C11orf42: variants seen among roughly 807,000 people sequenced by gnomAD.
C11orf42 encodes the protein chromosome 11 open reading frame 42, also known as uncharacterized protein C11orf42.
C11orf42 carries 24 observed loss-of-function variants against 27.9 expected under a neutral mutation model. The observed-to-expected ratio is 0.86, with a 90% CI of 0.62 to 1.21. C11orf42 has a LOEUF of 1.21. C11orf42 is among the 50% of genes most tolerant of loss of function. The probability of loss-of-function intolerance (pLI) is 0.00; values close to 1 mark genes in which losing one functional copy is unlikely to be tolerated. For synonymous variants in C11orf42, 187 were observed against 180.8 expected, an observed-to-expected ratio of 1.03 and a Z score of -0.28; for missense variants, 455 against 424.1, an observed-to-expected ratio of 1.07 and a Z score of -0.64.
intron 1 of C11orf42, among the ~76,000 whole-genome samples, chr11:6,206,596 A>G (rs943358279): frequency 2.6e-4 from 40 of 152,160 alleles, no homozygotes; most frequent in African/African-American, 9.7e-4. Context: ...ACCACACTCA[A>G]AGAAGATTTA....
In C11orf42 at chr11:6,210,069, C is replaced by G; in HGVS notation, c.292C>G (p.Arg98Gly). ...GSEGAFAHCT[R>G]EYSPNGRAER... ...TGAGGGTGCCTTCGCCCACTGCACT[C>G]GGGAATACTCACCAAATGGCCGAGC... The change falls in exon 2 of 3, where the codon CGG (arginine) becomes GGG (glycine). Residue 98 changes from arginine to glycine, a missense_variant. Arg to Gly is a moderately radical substitution (Grantham distance 125). Transcript: ENST00000316375. This position sits in a 1 kb window ranked among gnomAD's most constrained non-coding sequence, Gnocchi z 4.0. The G allele has an allele frequency of 1.9e-6, 3 of 1,614,232 alleles. No homozygotes were observed. The highest frequency in any genetic ancestry group is 1.7e-6 in the Non-Finnish European group (2 of 1,180,050).
chr11:6,210,006 G>GT lies in C11orf42; in HGVS notation c.230dup (p.Pro79AlafsTer12), dbSNP rs1590595531. On this transcript the variant is annotated frameshift_variant, in exon 2 of 3. Coordinates refer to ENST00000316375, the MANE Select transcript of C11orf42 (RefSeq NM_173525.3). LOFTEE classifies it high-confidence loss of function. This position sits in a 1 kb window ranked among gnomAD's most constrained non-coding sequence, Gnocchi z 4.0. ...GCAGGGCCGGAGGGCACTGAAACCA[G>GT]TGGGGCCACTACCAAGCCTCCTGGA... 1 of 1,614,178 alleles carries GT rather than the reference G, an allele frequency of 6.2e-7. No homozygotes were observed. Among genetic ancestry groups the GT allele is most frequent in the Non-Finnish European group, 8.5e-7 (1 of 1,179,974 alleles).
At position 6,210,128 on chromosome 11, in the gene C11orf42, T is replaced by C. The variant is rs1471913225; in HGVS notation, c.351T>C (p.Asp117=). ...CCTATGAAGAGACGCGAATGTTGGATGGACAGCCCTGCAAGATCCGCCTAC... is the reference window on the plus strand; with the variant it reads ...CCTATGAAGAGACGCGAATGTTGGACGGACAGCCCTGCAAGATCCGCCTAC... ...ERAYEETRML[D]GQPCKIRLHM... Residue 117 remains aspartate (D), a synonymous_variant, in exon 2 of 3, where the codon GAT becomes GAC. Transcript: ENST00000316375. The surrounding 1 kb of genome is among the most constrained non-coding windows in gnomAD (Gnocchi z 4.0). The C allele has an allele frequency of 1.9e-6, 3 of 1,614,194 alleles. No individual in the cohort carries two copies. Among genetic ancestry groups the C allele is most frequent in the Non-Finnish European group, 1.7e-6 (2 of 1,180,036 alleles).
chr11:6,210,368 C>A lies in C11orf42; in HGVS notation c.591C>A (p.Cys197Ter). The A allele has an allele frequency of 6.2e-7, 1 of 1,614,214 alleles. No individual in the cohort carries two copies. The highest frequency in any genetic ancestry group is 1.1e-5 in the South Asian group (1 of 91,084). The change falls in exon 2 of 3, where the codon TGC becomes TGA. Residue 197 changes from cysteine to a stop codon, truncating the protein, a stop_gained. Transcript: ENST00000316375. LOFTEE classifies it high-confidence loss of function. The surrounding 1 kb of genome is among the most constrained non-coding windows in gnomAD (Gnocchi z 4.0). ...LLRSLPVAFS[C>*]LKFSLQSKGV... ...GGTCATTACCTGTTGCCTTCTCCTG[C>A]CTCAAGTTTTCACTGCAGTCTAAGG...
In C11orf42 at chr11:6,210,762, A is replaced by C; in HGVS notation, c.871+114A>C. On this transcript the variant is annotated intron_variant, in intron 2 of 2. Transcript: ENST00000316375. The surrounding 1 kb of genome is among the most constrained non-coding windows in gnomAD (Gnocchi z 4.0). Reference sequence around the variant, plus strand: ...ATTACTCAGCACAGGGCTCTGGTGAAAGAGATGGAATGAGGGAGACTGGGG... The same window carrying C: ...ATTACTCAGCACAGGGCTCTGGTGACAGAGATGGAATGAGGGAGACTGGGG... 1 of 1,404,872 alleles carries C rather than the reference A, an allele frequency of 7.1e-7. No individual in the cohort carries two copies. Among genetic ancestry groups the C allele is most frequent in the East Asian group, 2.5e-5 (1 of 40,278 alleles). 87.0% of individuals were successfully genotyped at this position (1,404,872 alleles called of 1,614,324 possible).
chr11:6,208,145 A>C, intron 1 of C11orf42, among the ~76,000 whole-genome samples: 1 of 152,098 alleles, frequency 6.6e-6, no homozygotes, highest in Non-Finnish European at 1.5e-5. Context: ...CATGAAATAA[A>C]CTTTCCAGGG....
chr11:6,210,126 G>C lies in C11orf42; in HGVS notation c.349G>C (p.Asp117His). Reference sequence around the variant, plus strand: ...AGCCTATGAAGAGACGCGAATGTTGGATGGACAGCCCTGCAAGATCCGCCT... The same window carrying C: ...AGCCTATGAAGAGACGCGAATGTTGCATGGACAGCCCTGCAAGATCCGCCT... Reference protein sequence around the residue: ...ERAYEETRMLDGQPCKIRLHM... With the variant: ...ERAYEETRMLHGQPCKIRLHM... Residue 117 changes from aspartate (D) to histidine (H), a missense_variant, in exon 2 of 3, where the codon GAT (aspartate) becomes CAT (histidine). Physicochemically the swap from Asp to His is moderately conservative, Grantham distance 81. Coordinates refer to ENST00000316375, the MANE Select transcript of C11orf42 (RefSeq NM_173525.3). This position sits in a 1 kb window ranked among gnomAD's most constrained non-coding sequence, Gnocchi z 4.0. 1 of 1,614,232 alleles carries C rather than the reference G, an allele frequency of 6.2e-7. No homozygotes were observed. The highest frequency in any genetic ancestry group is 8.5e-7 in the Non-Finnish European group (1 of 1,180,048).
chr11:6,205,587 G>A lies in C11orf42; in HGVS notation c.-29G>A, dbSNP rs1218657397. ...GCCTGGGGTTCCTGCAGCAGCCACT[G>A]CCCTGCCCAATCCCTCCCATACCCC... On this transcript the variant is annotated 5_prime_UTR_variant, in exon 1 of 3. Coordinates refer to ENST00000316375, the MANE Select transcript of C11orf42 (RefSeq NM_173525.3). 3 of 1,599,082 alleles carry A rather than the reference G, an allele frequency of 1.9e-6. No homozygotes were observed. In the African/African-American group the frequency reaches 4.0e-5, roughly 21 times the overall value.
Sources: allele counts gnomAD v4.1 joint callset (sites outside exome capture counted in the v4.1 genomes callset), GRCh38; gene constraint gnomAD v4.1.1; non-coding constraint Gnocchi (gnomAD v3.1); transcripts MANE v1.5; gene names NCBI Gene and HGNC (gene_info 2026-07-23, HGNC 2026-07-21).